The following CALN1 variants were observed in gnomAD, a reference collection of about 807,000 sequenced individuals.
CALN1 encodes calcium-binding protein 8.
Under a neutral mutation model 30.6 loss-of-function variants are expected in CALN1, and 17 were observed. The ratio of observed to expected loss-of-function variants is 0.56; its 90% confidence interval spans 0.38 to 0.83. The LOEUF (loss-of-function observed/expected upper bound fraction) is 0.83, where lower values mean the gene tolerates loss of function less well. Among genes scored for constraint, CALN1 ranks in the 40% least tolerant of loss-of-function variants. CALN1 has a pLI of 0.00. For missense variants in CALN1, 291 were observed against 354.9 expected, an observed-to-expected ratio of 0.82 and a Z score of 1.45; for synonymous variants, 156 against 131.4, an observed-to-expected ratio of 1.19 and a Z score of -1.28.
intron 5 of CALN1, among the ~76,000 whole-genome samples, chr7:71,818,743 T>C (rs962019379): frequency 4.6e-5 from 7 of 151,834 alleles, no homozygotes; most frequent in Non-Finnish European, 7.4e-5. Context: ...GGAGTCTCAC[T>C]CTGTCACCCA....
intron 5 of CALN1, among the ~76,000 whole-genome samples, chr7:71,970,584 C>CTTTT (rs201279221): frequency 2.8e-5 from 4 of 143,664 alleles, no homozygotes; most frequent in African/African-American, 1.0e-4. Flanking sequence ...CAAAATATAC[C>CTTTT]TTTTTTTTTT....
At chr7:72,480,713 A>G in the CALN1 span, among the ~76,000 whole-genome samples, 1 of 152,164 alleles carries the variant, frequency 6.6e-6, no homozygotes, top group Non-Finnish European at 1.5e-5. Context: ...TTCACTAGAC[A>G]TAGGGTTTTT....
intron 4 of CALN1, among the ~76,000 whole-genome samples, chr7:72,052,811 A>G (rs844767): frequency 0.26 from 39,919 of 152,090 alleles, 5,488 homozygotes; most frequent in Middle Eastern, 0.35. Flanking sequence ...ACTGACTACA[A>G]CTAAAGAAAG....
At chr7:71,861,683 G>A (rs1262409907) in intron 5 of CALN1, among the ~76,000 whole-genome samples, 1 of 151,434 alleles carries the variant, frequency 6.6e-6, no homozygotes, top group Non-Finnish European at 1.5e-5. Context: ...GGAGGCTGAG[G>A]TGGGAGGATT....
intron 2 of CALN1, among the ~76,000 whole-genome samples, chr7:72,359,167 A>G (rs1165114693): frequency 6.6e-6 from 1 of 151,764 alleles, no homozygotes. Flanking sequence ...TTATCTGTGG[A>G]TTTTACTTTG....
chr7:72,356,843 C>T (rs1183159174), intron 2 of CALN1, among the ~76,000 whole-genome samples: 2 of 152,022 alleles, frequency 1.3e-5, no homozygotes, highest in Non-Finnish European at 2.9e-5. Context: ...CATGTTGAAA[C>T]GGATCTGATT....
intron 4 of CALN1, among the ~76,000 whole-genome samples, chr7:72,056,508 C>T (rs897071999): frequency 1.3e-5 from 2 of 151,952 alleles, no homozygotes; most frequent in African/African-American, 4.8e-5. Flanking sequence ...GATTTTATTC[C>T]TCACTTGGCA....
At chr7:72,224,881 G>A (rs1793558468) in intron 3 of CALN1, among the ~76,000 whole-genome samples, 1 of 151,924 alleles carries the variant, frequency 6.6e-6, no homozygotes. Flanking sequence ...GAGGTCAGGA[G>A]ATTGAGGCCA....
intron 3 of CALN1, 31 bp from the exon 4 acceptor site, chr7:72,106,325 G>A: frequency 6.2e-7 from 1 of 1,612,512 alleles, no homozygotes; most frequent in South Asian, 1.1e-5. Flanking sequence ...AAGTCCAGTG[G>A]TCACATGGCT....
chr7:71,858,981 A>AT lies in CALN1; in HGVS notation c.502-48490dup, dbSNP rs576975037. ...TGTCTCGGATATTTTGAGTTCACAG[A>AT]TGTAAACTGAACAAGTTCAGAGTAG... On this transcript the variant is annotated intron_variant, in intron 5 of 6. Transcript: ENST00000395275. Among the ~76,000 whole-genome samples, 17 of 152,298 alleles carry AT rather than the reference A, an allele frequency of 1.1e-4. No individual in the cohort carries two copies. In the East Asian group the frequency reaches 2.1e-3, roughly 19 times the overall value.
chr7:72,355,296 C>T (rs545040446), intron 2 of CALN1, among the ~76,000 whole-genome samples: 8 of 152,042 alleles, frequency 5.3e-5, no homozygotes, highest in East Asian at 1.9e-4. Context: ...GAGGCCAAAG[C>T]GGGCGGACCA....
At chr7:72,477,692 GTCTACAGGCACA>G in the CALN1 span, among the ~76,000 whole-genome samples, 5 of 152,106 alleles carry the variant, frequency 3.3e-5, no homozygotes, top group African/African-American at 1.2e-4. Context: ...AAAGTGCTAA[GTCTACAGGCACA>G]TGCCACCATG....
intron 3 of CALN1, among the ~76,000 whole-genome samples, chr7:72,228,643 C>T (rs10236173): frequency 0.54 from 81,202 of 151,444 alleles, 22,241 homozygotes; most frequent in South Asian, 0.65. Context: ...GTACAATAGT[C>T]GCAAGGTTTA....
At chr7:72,189,149 A>T (rs756083451) in intron 3 of CALN1, among the ~76,000 whole-genome samples, 4 of 152,222 alleles carry the variant, frequency 2.6e-5, no homozygotes, top group Non-Finnish European at 5.9e-5. Flanking sequence ...AGCTTCAGAA[A>T]GGGTGAACAT....
intron 2 of CALN1, among the ~76,000 whole-genome samples, chr7:72,397,484 G>C (rs1356693636): frequency 1.3e-5 from 2 of 152,132 alleles, no homozygotes; most frequent in Non-Finnish European, 1.5e-5. Flanking sequence ...AGGACTTGCA[G>C]CAGATATAAG....
chr7:71,971,947 AAAAAAAAAAGAAAGAAAGAAAGAAAG>A lies in CALN1; in HGVS notation c.501+51684_501+51709del, dbSNP rs1414617980. The stretch of plus-strand genomic sequence containing the variant: ...CCCTGTCTCAAAAAAAAAAAAAAAA[AAAAAAAAAAGAAAGAAAGAAAGAAAG>A]AAAGAAAGAAAGAAAGAAAGAGAAA... On this transcript the variant is annotated intron_variant, in intron 5 of 6. Coordinates refer to ENST00000395275, the MANE Select transcript of CALN1 (RefSeq NM_031468.4). Among the ~76,000 whole-genome samples the A allele has an allele frequency of 1.4e-3, 179 of 129,460 alleles. 3 individuals carry two copies. The East Asian group carries it at 0.041, about 29-fold the overall frequency. The allele number at this position is 129,460 out of a possible 152,430, so 84.9% of individuals were successfully genotyped here.
At chr7:71,800,639 G>A (rs1054207307) in intron 6 of CALN1, among the ~76,000 whole-genome samples, 2 of 151,990 alleles carry the variant, frequency 1.3e-5, no homozygotes, top group African/African-American at 2.4e-5. Context: ...TGCTTTCGTC[G>A]GCAATGAAAT....
In CALN1 at chr7:71,810,394, G is replaced by A. The variant is rs1308061946; in HGVS notation, c.600C>T (p.Ile200=). The A allele has an allele frequency of 6.2e-7, 1 of 1,614,128 alleles. No individual in the cohort carries two copies. Among genetic ancestry groups the A allele is most frequent in the East Asian group, 2.2e-5 (1 of 44,876 alleles). The change falls in exon 6 of 7, where the codon ATC becomes ATT. Residue 200 remains isoleucine, a synonymous_variant. Coordinates refer to ENST00000395275, the MANE Select transcript of CALN1 (RefSeq NM_031468.4). ...LTMKDIENII[I]NEEESLNETS... ...TCTCATTCAGGCTCTCTTCCTCATT[G>A]ATAATGATGTTCTCAATGTCCTTCA... is the stretch of plus-strand genomic sequence containing the variant.
intron 3 of CALN1, among the ~76,000 whole-genome samples, chr7:72,237,173 G>A (rs752152335): frequency 2.6e-5 from 4 of 151,820 alleles, no homozygotes; most frequent in Non-Finnish European, 2.9e-5. Flanking sequence ...TAGTAGAGAC[G>A]GCGTTTCACC....
Sources: allele counts gnomAD v4.1 joint callset (sites outside exome capture counted in the v4.1 genomes callset), GRCh38; gene constraint gnomAD v4.1.1; transcripts MANE v1.5; gene names NCBI Gene and HGNC (gene_info 2026-07-23, HGNC 2026-07-21).